GAD2: variants seen among roughly 807,000 people sequenced by gnomAD.
The protein encoded by GAD2 is 65 kDa glutamic acid decarboxylase.
In GAD2, 22 loss-of-function variants were observed where a neutral mutation model predicts 80.1. That is an observed-to-expected ratio of 0.27 (90% CI 0.20 to 0.39). GAD2 has a LOEUF of 0.39. GAD2 is among the 10% of genes least tolerant of loss of function. The pLI is 1.00. For synonymous variants in GAD2, 274 were observed against 256.9 expected (o/e 1.07, Z -0.64); for missense variants, 624 against 738.4 (o/e 0.85, Z 1.80).
rs114716903 is a variant in GAD2, at chr10:26,271,087, G to T, written c.1092+331G>T. ...GAATACAACCTACGCACACAGTCCT[G>T]CTGTTCCTCACTTACCAGAATGGTC... On this transcript the variant is annotated intron_variant, in intron 10 of 15. Coordinates refer to ENST00000376261, the MANE Select transcript of GAD2 (RefSeq NM_001134366.2). Among the ~76,000 whole-genome samples the T allele has an allele frequency of 3.2e-3, 490 of 152,306 alleles. 2 individuals carry two copies. The highest frequency in any genetic ancestry group is 0.011 in the African/African-American group (476 of 41,560).
intron 8 of GAD2, among the ~76,000 whole-genome samples, chr10:26,260,601 G>T (rs141735708): frequency 1.3e-5 from 2 of 152,122 alleles, no homozygotes; most frequent in African/African-American, 4.8e-5. Context: ...GCACTCCAGC[G>T]TGGGTGCCAG....
At chr10:26,260,690 G>C (rs1056452322) in intron 8 of GAD2, among the ~76,000 whole-genome samples, 9 of 152,228 alleles carry the variant, frequency 5.9e-5, no homozygotes, top group South Asian at 2.1e-4. Flanking sequence ...TCTATGCTGA[G>C]TTATGATACT....
At chr10:26,235,834 G>A (rs1407791147) in intron 7 of GAD2, among the ~76,000 whole-genome samples, 1 of 152,148 alleles carries the variant, frequency 6.6e-6, no homozygotes, top group Non-Finnish European at 1.5e-5. Flanking sequence ...CCTAAACCAT[G>A]AGCTCAATTC....
At position 26,217,060 on chromosome 10, in the gene GAD2, C is replaced by A. The variant is rs1343389503; in HGVS notation, c.76+175C>A. Reference sequence around the variant, plus strand: ...CCCAAGAGCTCAAGACCTCTACAGCCTCTTGTACCCTGGGAAGACGCCCAA... The same window carrying A: ...CCCAAGAGCTCAAGACCTCTACAGCATCTTGTACCCTGGGAAGACGCCCAA... On this transcript the variant is annotated intron_variant, in intron 1 of 15. Coordinates refer to ENST00000376261, the MANE Select transcript of GAD2 (RefSeq NM_001134366.2). This position sits in a 1 kb window ranked among gnomAD's most constrained non-coding sequence, Gnocchi z 4.9. 6.6e-6 allele frequency among the ~76,000 whole-genome samples: 1 copy of A among 152,092 alleles called. No homozygotes were observed. The highest frequency in any genetic ancestry group is 1.5e-5 in the Non-Finnish European group (1 of 68,028).
Position 26,216,989 on chromosome 10 carries a change from ACT to A in GAD2, c.76+105_76+106del. 1 of 996,050 alleles carries A rather than the reference ACT, an allele frequency of 1.0e-6. No individual in the cohort carries two copies. The highest frequency in any genetic ancestry group is 1.5e-6 in the Non-Finnish European group (1 of 657,128). The allele number at this position is 996,050 out of a possible 1,614,324, so 61.7% of individuals were successfully genotyped here. On this transcript the variant is annotated intron_variant, in intron 1 of 15. Coordinates refer to ENST00000376261, the MANE Select transcript of GAD2 (RefSeq NM_001134366.2). This position sits in a 1 kb window ranked among gnomAD's most constrained non-coding sequence, Gnocchi z 4.7. ...GAGGTTTTTCCACCTGCAACAGGAA[ACT>A]TCTTCGGGCGCTTCTCCCTGCTTTT...
At chr10:26,239,495 A>G (rs1464611956) in intron 7 of GAD2, among the ~76,000 whole-genome samples, 3 of 152,246 alleles carry the variant, frequency 2.0e-5, no homozygotes, top group African/African-American at 7.2e-5. Flanking sequence ...TAAGGCAATA[A>G]ATAGTGACAT....
rs759157393 is a variant in GAD2, at chr10:26,216,815, ATCTCCGGGC to A, written c.10_18del (p.Pro4_Ser6del). On this transcript the variant is annotated inframe_deletion, in exon 1 of 16. Transcript: ENST00000376261. This position sits in a 1 kb window ranked among gnomAD's most constrained non-coding sequence, Gnocchi z 4.7. Reference sequence around the variant, plus strand: ...TGCTCCAGTCTCCAAAGCCGATGGCATCTCCGGGCTCTGGCTTTTGGTCTTTCGGGTCGG... The same window carrying A: ...TGCTCCAGTCTCCAAAGCCGATGGCATCTGGCTTTTGGTCTTTCGGGTCGG... 6.2e-7 allele frequency: 1 copy of A among 1,612,368 alleles called. No individual in the cohort carries two copies. The highest frequency in any genetic ancestry group is 8.5e-7 in the Non-Finnish European group (1 of 1,179,394).
intron 8 of GAD2, 67 bp from the exon 9 acceptor site, chr10:26,269,052 C>A: frequency 8.2e-7 from 1 of 1,221,758 alleles, no homozygotes; most frequent in Non-Finnish European, 1.2e-6. Context: ...CCTCCTGCGG[C>A]CACTTACGTT....
intron 8 of GAD2, among the ~76,000 whole-genome samples, chr10:26,262,267 T>C (rs537784706): frequency 1.2e-3 from 160 of 138,042 alleles, no homozygotes; most frequent in African/African-American, 4.8e-3. Flanking sequence ...TCTTGGTTAT[T>C]AGTTTTTTTT....
intron 7 of GAD2, among the ~76,000 whole-genome samples, chr10:26,239,585 C>T (rs554210504): frequency 9.7e-4 from 148 of 152,340 alleles, no homozygotes; most frequent in Middle Eastern, 3.4e-3. Flanking sequence ...ACAAAGTCTT[C>T]GCCCTCATGC....
At chr10:26,285,002 G>T (rs1397768404) in intron 12 of GAD2, among the ~76,000 whole-genome samples, 1 of 152,162 alleles carries the variant, frequency 6.6e-6, no homozygotes, top group African/African-American at 2.4e-5. Flanking sequence ...GTGTGAGCTT[G>T]CATGGCCTGA....
At chr10:26,218,198 G>A (rs1178285098) in intron 3 of GAD2, 11 of 489,670 alleles carry the variant, frequency 2.2e-5, no homozygotes, top group Non-Finnish European at 3.9e-5. Flanking sequence ...GGAGCTCCAA[G>A]AGGGCTCTGA....
At position 26,249,245 on chromosome 10, in the gene GAD2, A is replaced by G. The variant is rs575415171; in HGVS notation, c.920+3245A>G. On this transcript the variant is annotated intron_variant, in intron 8 of 15. Transcript: ENST00000376261. The stretch of plus-strand genomic sequence containing the variant: ...CCTGGCTAGTTTTTGTATTTTTAGT[A>G]GAGACGGGGTTTCATCATATTGGTC... 1.2e-3 allele frequency among the ~76,000 whole-genome samples: 178 copies of G among 152,212 alleles called. 3 individuals are homozygous for G. Among genetic ancestry groups the G allele is most frequent in the Non-Finnish European group, 3.8e-4 (26 of 68,018 alleles).
At chr10:26,259,911 A>G (rs1844988992) in intron 8 of GAD2, among the ~76,000 whole-genome samples, 1 of 152,208 alleles carries the variant, frequency 6.6e-6, no homozygotes, top group Admixed American at 6.5e-5. Context: ...CTGCTTTTTA[A>G]AAATAAGAAT....
chr10:26,216,554 C>G (rs940929934), upstream of GAD2: 2 of 346,202 alleles, frequency 5.8e-6, no homozygotes, highest in African/African-American at 4.4e-5. This position sits in a 1 kb window ranked among gnomAD's most constrained non-coding sequence, Gnocchi z 4.7. Context: ...TAGGTAGTCC[C>G]GGTCTCTTTT....
rs759865222 is a variant in GAD2, at chr10:26,224,548, T to C, written c.621T>C (p.Tyr207=). Residue 207 remains tyrosine (Y), a synonymous_variant, in exon 6 of 16, where the codon TAT becomes TAC. Coordinates refer to ENST00000376261, the MANE Select transcript of GAD2 (RefSeq NM_001134366.2). ...TSTANTNMFT[Y]EIAPVFVLLE... is the part of the protein sequence containing the mutation. ...CATTACTACATTTCAGGTTCACCTA[T>C]GAAATTGCTCCAGTATTTGTGCTTT... 1.2e-6 allele frequency: 2 copies of C among 1,609,702 alleles called. No homozygotes were observed. Among genetic ancestry groups the C allele is most frequent in the East Asian group, 4.5e-5 (2 of 44,860 alleles).
intron 7 of GAD2, among the ~76,000 whole-genome samples, chr10:26,233,487 C>T (rs74129126): frequency 0.014 from 2,085 of 152,234 alleles, 57 homozygotes; most frequent in African/African-American, 0.047. Flanking sequence ...CCATCCTGGA[C>T]AGGTGAGCTC....
At chr10:26,286,589 A>G in intron 13 of GAD2, 95 bp downstream of exon 13, 3 of 1,251,904 alleles carry the variant, frequency 2.4e-6, no homozygotes, top group Non-Finnish European at 3.2e-6. Flanking sequence ...TTCCAAATTG[A>G]AATTTCCTTA....
chr10:26,289,885 C>T (rs543963756), intron 13 of GAD2, among the ~76,000 whole-genome samples: 1 of 151,408 alleles, frequency 6.6e-6, no homozygotes, highest in South Asian at 2.1e-4. Flanking sequence ...CTCCATCTCC[C>T]AGGTTCAAGC....
Sources: allele counts gnomAD v4.1 joint callset (sites outside exome capture counted in the v4.1 genomes callset), GRCh38; gene constraint gnomAD v4.1.1; non-coding constraint Gnocchi (gnomAD v3.1); transcripts MANE v1.5; gene names NCBI Gene and HGNC (gene_info 2026-07-23, HGNC 2026-07-21).